PGBD5: variants seen among roughly 807,000 people sequenced by gnomAD.
The protein encoded by PGBD5 is piggyBac transposable element derived 5.
Under a neutral mutation model 47.9 loss-of-function variants are expected in PGBD5, and 14 were observed. That is an observed-to-expected ratio of 0.29 (90% confidence interval 0.19 to 0.46). PGBD5 has a LOEUF of 0.46. Ranked by LOEUF, PGBD5 falls within the 20% of genes least tolerant of loss-of-function variation. The probability of loss-of-function intolerance (pLI) is 1.00; values close to 1 mark genes in which losing one functional copy is unlikely to be tolerated. For synonymous variants in PGBD5, 316 were observed against 306.3 expected (o/e 1.03, Z -0.33); for missense variants, 635 against 716.0 (o/e 0.89, Z 1.29).
chr1:230,377,952 T>C (rs1668042202), intron 1 of PGBD5, among the ~76,000 whole-genome samples: 1 of 152,188 alleles, frequency 6.6e-6, no homozygotes, highest in Non-Finnish European at 1.5e-5. Flanking sequence ...GGAGGAGCAA[T>C]GTGATATTTA....
At chr1:230,353,596 G>A (rs1667591363) in intron 2 of PGBD5, among the ~76,000 whole-genome samples, 1 of 152,162 alleles carries the variant, frequency 6.6e-6, no homozygotes, top group Non-Finnish European at 1.5e-5. Context: ...AGTGTGCTGT[G>A]TGTTTGGAGT....
chr1:230,359,439 A>C (rs1014788022), intron 1 of PGBD5, among the ~76,000 whole-genome samples: 1 of 152,152 alleles, frequency 6.6e-6, no homozygotes, highest in Admixed American at 6.5e-5. Context: ...TTCCTTTATT[A>C]CTGATTTAGA....
chr1:230,412,467 C>T lies in PGBD5; in HGVS notation c.331+13131G>A, dbSNP rs188453823. ...GCAATGGCGTGATCTTGGCTCACTG[C>T]AGGCTCCACCTTCTGGGTTCACACC... On this transcript the variant is annotated intron_variant, in intron 1 of 6. Transcript: ENST00000391860. Among the ~76,000 whole-genome samples, 43 of 149,370 alleles carry T rather than the reference C, an allele frequency of 2.9e-4. No homozygotes were observed. The East Asian group carries it at 8.2e-3, about 29-fold the overall frequency.
At chr1:230,403,597 C>A (rs988135514) in intron 1 of PGBD5, among the ~76,000 whole-genome samples, 1 of 152,214 alleles carries the variant, frequency 6.6e-6, no homozygotes, top group African/African-American at 2.4e-5. Flanking sequence ...GAAAACCAGC[C>A]CCATCCTGAG....
At chr1:230,365,926 C>G (rs1462247896) in intron 1 of PGBD5, among the ~76,000 whole-genome samples, 1 of 152,248 alleles carries the variant, frequency 6.6e-6, no homozygotes, top group East Asian at 1.9e-4. Flanking sequence ...AGATCTGGGA[C>G]TCAATGTAAA....
chr1:230,340,105 T>C (rs574850769), intron 3 of PGBD5, among the ~76,000 whole-genome samples: 169 of 152,352 alleles, frequency 1.1e-3, no homozygotes, highest in African/African-American at 4.0e-3. Flanking sequence ...AAATATACTA[T>C]TTTTATTTGT....
intron 1 of PGBD5, among the ~76,000 whole-genome samples, chr1:230,399,741 C>G (rs1292007235): frequency 6.6e-6 from 1 of 152,174 alleles, no homozygotes; most frequent in Non-Finnish European, 1.5e-5. Flanking sequence ...ACATGATACT[C>G]AATCCAAACT....
intron 1 of PGBD5, among the ~76,000 whole-genome samples, chr1:230,424,385 C>T (rs551546606): frequency 1.1e-4 from 17 of 152,368 alleles, no homozygotes; most frequent in Non-Finnish European, 2.2e-4. Context: ...CAGTGCACAG[C>T]TAACTGTGAC....
intron 1 of PGBD5, among the ~76,000 whole-genome samples, chr1:230,419,432 G>T (rs997062774): frequency 6.8e-6 from 1 of 147,892 alleles, no homozygotes; most frequent in Non-Finnish European, 1.5e-5. Flanking sequence ...GGAGCAAGGT[G>T]AGAAAAACTA....
At chr1:230,333,481 C>T (rs748498350) in intron 4 of PGBD5, among the ~76,000 whole-genome samples, 30 of 152,166 alleles carry the variant, frequency 2.0e-4, no homozygotes, top group Non-Finnish European at 2.9e-4. Context: ...AAGGGCGAAG[C>T]CCCCAGACTC....
rs753137969 is a variant in PGBD5 at position 230,357,234 on chromosome 1, A to C, written c.419T>G (p.Val140Gly). 6.2e-7 allele frequency: 1 copy of C among 1,614,094 alleles called. No individual in the cohort carries two copies. Among genetic ancestry groups the C allele is most frequent in the Admixed American group, 1.7e-5 (1 of 60,008 alleles). The change falls in exon 2 of 7, where the codon GTG becomes GGG. Residue 140 changes from valine (V) to glycine (G), a missense_variant. By Grantham distance (109) the Val-to-Gly change is moderately radical (BLOSUM62 -3). Transcript: ENST00000391860. The surrounding 1 kb of genome is among the most constrained non-coding windows in gnomAD (Gnocchi z 5.7). ...CTTCTTGGCATACATGTTTGTCTGCACCACCATGTTCTTGAGGACGTTGTC... is the reference window on the plus strand; with the variant it reads ...CTTCTTGGCATACATGTTTGTCTGCCCCACCATGTTCTTGAGGACGTTGTC... Reference protein sequence around the residue: ...VPDNVLKNMVVQTNMYAKKFQ... With the variant: ...VPDNVLKNMVGQTNMYAKKFQ...
At chr1:230,335,732 C>CAAACATACAGATGCACACGCACACAT (rs1667304284) in intron 4 of PGBD5, among the ~76,000 whole-genome samples, 2 of 71,996 alleles carry the variant, frequency 2.8e-5, no homozygotes, top group East Asian at 3.9e-4. Context: ...CAGACACACA[C>CAAACATACAGATGCACACGCACACAT]AGACTTACAC....
At chr1:230,344,352 G>A (rs1164229192) in intron 3 of PGBD5, among the ~76,000 whole-genome samples, 1 of 152,138 alleles carries the variant, frequency 6.6e-6, no homozygotes, top group African/African-American at 2.4e-5. Flanking sequence ...CTACTGCTTT[G>A]TAGATCTAAT....
rs531098386 is a variant in PGBD5 at position 230,380,268 on chromosome 1, G to A, written c.332-22947C>T. Among the ~76,000 whole-genome samples, 56 of 152,382 alleles carry A rather than the reference G, an allele frequency of 3.7e-4. 1 individual carries two copies. Among genetic ancestry groups the A allele is most frequent in the Non-Finnish European group, 1.2e-4 (8 of 68,038 alleles). ...AAGCCCTGTGTGGAAGAGACAGGCA[G>A]TACTTTCATGCCATTTTCCTTTACT... is the stretch of plus-strand genomic sequence containing the variant. On this transcript the variant is annotated intron_variant, in intron 1 of 6. Coordinates refer to ENST00000391860, the MANE Select transcript of PGBD5 (RefSeq NM_001258311.2).
At chr1:230,395,835 C>CCT (rs144820024) in intron 1 of PGBD5, among the ~76,000 whole-genome samples, 1,659 of 20,820 alleles carry the variant, frequency 0.08, 341 homozygotes, top group Middle Eastern at 0.12. Flanking sequence ...TCCCTGAGCT[C>CCT]CTCATTCCTA....
At chr1:230,390,324 T>C (rs1411912446) in intron 1 of PGBD5, among the ~76,000 whole-genome samples, 1 of 152,140 alleles carries the variant, frequency 6.6e-6, no homozygotes, top group Non-Finnish European at 1.5e-5. Context: ...CCATCAGAGC[T>C]GGTTTCAGCT....
chr1:230,334,495 G>T (rs77261931), intron 4 of PGBD5, among the ~76,000 whole-genome samples: 1,703 of 152,304 alleles, frequency 0.011, 5 homozygotes, highest in Non-Finnish European at 0.015. Flanking sequence ...ATTATTCTAG[G>T]AATGTCCTTT....
chr1:230,339,356 G>A (rs1206098722), intron 3 of PGBD5, among the ~76,000 whole-genome samples: 3 of 152,194 alleles, frequency 2.0e-5, no homozygotes, highest in Non-Finnish European at 4.4e-5. Flanking sequence ...GCACTGTGCT[G>A]ATTTGGTATA....
intron 2 of PGBD5, among the ~76,000 whole-genome samples, chr1:230,352,399 T>A (rs960489033): frequency 6.6e-6 from 1 of 152,160 alleles, no homozygotes; most frequent in Non-Finnish European, 1.5e-5. Context: ...TCCCAGGTGA[T>A]GGCAGAAAAA....
Sources: gnomAD v4.1 joint callset for allele counts (sites outside exome capture counted in the v4.1 genomes callset) on GRCh38, gnomAD v4.1.1 for gene constraint, Gnocchi (gnomAD v3.1) non-coding constraint, MANE v1.5 for transcripts, NCBI Gene and HGNC (gene_info 2026-07-23, HGNC 2026-07-21) for gene names.